Variants in CR2 observed in about 807,000 individuals in gnomAD.
The protein encoded by CR2 is complement receptor type 2.
In CR2, 96 loss-of-function variants were observed where a neutral mutation model predicts 123.0. The observed-to-expected ratio is 0.78, with a 90% CI of 0.66 to 0.93. CR2 has a LOEUF of 0.93. CR2 is among the 40% of genes least tolerant of loss of function. CR2 has a pLI of 0.00. For missense variants in CR2, 1,258 were observed against 1,361.0 expected, an observed-to-expected ratio of 0.92 and a Z score of 1.19; for synonymous variants, 484 against 469.5, an observed-to-expected ratio of 1.03 and a Z score of -0.40.
intron 18 of CR2, among the ~76,000 whole-genome samples, chr1:207,483,567 T>G (rs1238275579): frequency 6.6e-6 from 1 of 151,916 alleles, no homozygotes; most frequent in Admixed American, 6.6e-5. Context: ...TTTTTTTTCT[T>G]GTGGAGAATC....
intron 5 of CR2, 81 bp downstream of exon 5, chr1:207,469,313 C>G: frequency 2.9e-6 from 3 of 1,034,474 alleles, no homozygotes; most frequent in Non-Finnish European, 4.6e-6. Flanking sequence ...ACCTTACAGA[C>G]TCTTACTGAA....
chr1:207,471,454 T>C lies in CR2; in HGVS notation c.1525T>C (p.Cys509Arg), dbSNP rs1219408351. 1 of 1,613,090 alleles carries C rather than the reference T, an allele frequency of 6.2e-7. No homozygotes were observed. Among genetic ancestry groups the C allele is most frequent in the South Asian group, 1.1e-5 (1 of 91,058 alleles). The change falls in exon 9 of 20, where the codon TGT becomes CGT. Residue 509 changes from cysteine to arginine, a missense_variant. Coordinates refer to ENST00000367057, the MANE Select transcript of CR2 (RefSeq NM_001006658.3). ...YKLSGSVYQE[C>R]QGTIPWFMEI... Reference sequence around the variant, plus strand: ...GTTAAGTGGGAGTGTTTATCAGGAGTGTCAAGGCACAATTCCTTGGTTTAT... The same window carrying C: ...GTTAAGTGGGAGTGTTTATCAGGAGCGTCAAGGCACAATTCCTTGGTTTAT...
At position 207,474,302 on chromosome 1, in the gene CR2, A is replaced by G. The variant is rs760232869; in HGVS notation, c.2302A>G (p.Lys768Glu). Residue 768 changes from lysine to glutamate, a missense_variant, in exon 13 of 20, where the codon AAA becomes GAA. Transcript: ENST00000367057. ...CQDAENGIWF[K>E]KIPLCKVIHC... ...AGATGCTGAAAATGGAATTTGGTTCAAAAAGATTCCACTTTGTAAAGGTAA... is the reference window on the plus strand; with the variant it reads ...AGATGCTGAAAATGGAATTTGGTTCGAAAAGATTCCACTTTGTAAAGGTAA... 9.9e-6 allele frequency: 16 copies of G among 1,612,806 alleles called. No individual in the cohort carries two copies. Among genetic ancestry groups the G allele is most frequent in the Admixed American group, 1.7e-5 (1 of 59,952 alleles).
At chr1:207,481,905 A>G (rs533113268) in intron 18 of CR2, among the ~76,000 whole-genome samples, 3 of 152,124 alleles carry the variant, frequency 2.0e-5, no homozygotes, top group African/African-American at 7.2e-5. Flanking sequence ...GTAGAAAACT[A>G]TATTTTCTAC....
At chr1:207,478,136 C>G in intron 16 of CR2, 66 bp downstream of exon 16, 3 of 1,522,142 alleles carry the variant, frequency 2.0e-6, no homozygotes, top group Non-Finnish European at 2.7e-6. Context: ...GAGAGTTTCC[C>G]TCAGCGTGGA....
intron 18 of CR2, among the ~76,000 whole-genome samples, chr1:207,482,480 A>G (rs1658631566): frequency 6.6e-6 from 1 of 152,140 alleles, no homozygotes; most frequent in Non-Finnish European, 1.5e-5. Flanking sequence ...GAAAAGAGGA[A>G]TGACCACGTC....
intron 1 of CR2, among the ~76,000 whole-genome samples, chr1:207,458,516 C>T (rs577361409): frequency 3.3e-4 from 51 of 152,304 alleles, no homozygotes; most frequent in African/African-American, 1.1e-3. Flanking sequence ...TTCTGCTTTG[C>T]TCATTGCATC....
At chr1:207,476,553 A>T in intron 15 of CR2, 134 bp downstream of exon 15, 1 of 775,334 alleles carries the variant, frequency 1.3e-6, no homozygotes, top group South Asian at 1.8e-5. Context: ...CTTTAATTAG[A>T]TTAATACAAT....
intron 1 of CR2, among the ~76,000 whole-genome samples, chr1:207,464,401 CT>C (rs1370196428): frequency 6.6e-6 from 1 of 152,216 alleles, no homozygotes; most frequent in African/African-American, 2.4e-5. Context: ...TTGTAAGTCA[CT>C]CCCAGCCATC....
At position 207,466,819 on chromosome 1, in the gene CR2, T is replaced by C. The variant is rs747481282; in HGVS notation, c.352T>C (p.Cys118Arg). Residue 118 changes from cysteine to arginine, a missense_variant, in exon 2 of 20, where the codon TGT becomes CGT. By Grantham distance (180) the Cys-to-Arg change is radical. Transcript: ENST00000367057. Reference protein sequence around the residue: ...YRHGDSVTFACKTNFSMNGNK... With the variant: ...YRHGDSVTFARKTNFSMNGNK... ...ACATGGTGATTCTGTGACATTTGCC[T>C]GTAAAACCAACTTCTCCATGAACGG... The C allele has an allele frequency of 4.3e-6, 7 of 1,613,452 alleles. No individual in the cohort carries two copies. In the East Asian group the frequency reaches 1.6e-4, roughly 36 times the overall value.
chr1:207,481,931 G>A (rs908331746), intron 18 of CR2, among the ~76,000 whole-genome samples: 5 of 151,568 alleles, frequency 3.3e-5, no homozygotes, highest in Non-Finnish European at 7.4e-5. Flanking sequence ...ATTATTATTG[G>A]TAGAAATAAT....
In CR2 at chr1:207,470,813, A is replaced by C. The variant is rs1558191499; in HGVS notation, c.1299A>C (p.Thr433=). The change falls in exon 7 of 20, where the codon ACA becomes ACC. Residue 433 remains threonine (T), a synonymous_variant. Coordinates refer to ENST00000367057, the MANE Select transcript of CR2 (RefSeq NM_001006658.3). ...DRHMVRFDPG[T]SIKYSCNPGY... ...ACATGGTCCGCTTTGACCCTGGAAC[A>C]TCTATAAAATATAGCTGTAACCCTG... 2.5e-6 allele frequency: 4 copies of C among 1,613,962 alleles called. No homozygotes were observed. Among genetic ancestry groups the C allele is most frequent in the Non-Finnish European group, 3.4e-6 (4 of 1,179,884 alleles).
At chr1:207,484,991 A>G (rs1658709327) in intron 18 of CR2, among the ~76,000 whole-genome samples, 2 of 152,214 alleles carry the variant, frequency 1.3e-5, no homozygotes, top group African/African-American at 4.8e-5. Flanking sequence ...TTGAACACTT[A>G]CAAGCCTAGA....
At chr1:207,480,127 A>C in intron 18 of CR2, 74 bp downstream of exon 18, 1 of 1,037,020 alleles carries the variant, frequency 9.6e-7, no homozygotes. Flanking sequence ...AACTAAACAC[A>C]GAAGCACAAG....
At chr1:207,465,381 A>C (rs1346235140) in intron 1 of CR2, among the ~76,000 whole-genome samples, 1 of 149,806 alleles carries the variant, frequency 6.7e-6, no homozygotes, top group Non-Finnish European at 1.5e-5. Flanking sequence ...GATAGCACCA[A>C]AGTCAATGAT....
chr1:207,473,962 G>T, intron 12 of CR2, 77 bp downstream of exon 12: 2 of 1,374,024 alleles, frequency 1.5e-6, no homozygotes, highest in Non-Finnish European at 2.1e-6. Flanking sequence ...AACTTGTCTT[G>T]GTGGCATCCT....
intron 1 of CR2, among the ~76,000 whole-genome samples, chr1:207,458,059 A>AACACACACAC (rs59735642): frequency 0.21 from 25,553 of 122,332 alleles, 3,010 homozygotes; most frequent in East Asian, 0.31. Context: ...TCAAGGCCAC[A>AACACACACAC]ACACACACAC....
At chr1:207,482,789 G>A (rs1572965446) in intron 18 of CR2, among the ~76,000 whole-genome samples, 2 of 152,126 alleles carry the variant, frequency 1.3e-5, no homozygotes, top group East Asian at 3.9e-4. Context: ...GACAAGAAGA[G>A]AAAGGCATTC....
chr1:207,483,607 GT>G (rs1658667901), intron 18 of CR2, among the ~76,000 whole-genome samples: 2 of 151,950 alleles, frequency 1.3e-5, no homozygotes. Context: ...TTAATAAGAG[GT>G]TTTTTGCTAT....
Sources: gnomAD v4.1 joint callset for allele counts (sites outside exome capture counted in the v4.1 genomes callset) on GRCh38, gnomAD v4.1.1 for gene constraint, MANE v1.5 for transcripts, NCBI Gene and HGNC (gene_info 2026-07-23, HGNC 2026-07-21) for gene names.